STK3: variants seen among roughly 807,000 people sequenced by gnomAD.
STK3 encodes the protein serine/threonine-protein kinase 3.
STK3 carries 41 observed loss-of-function variants against 58.0 expected under a neutral mutation model. The ratio of observed to expected loss-of-function variants is 0.71; its 90% CI spans 0.55 to 0.92. The LOEUF (loss-of-function observed/expected upper bound fraction) is 0.92. Among genes scored for constraint, STK3 ranks in the 40% least tolerant of loss-of-function variants. The pLI is 0.00. For synonymous variants in STK3, 170 were observed against 191.0 expected, an observed-to-expected ratio of 0.89 and a Z score of 0.91; for missense variants, 479 against 602.7, an observed-to-expected ratio of 0.79 and a Z score of 2.15.
At chr8:98,592,490 G>C (rs962870575) in intron 7 of STK3, among the ~76,000 whole-genome samples, 9 of 151,946 alleles carry the variant, frequency 5.9e-5, no homozygotes, top group Non-Finnish European at 1.0e-4. Context: ...TAACATTTTT[G>C]TCTTTCATTT....
chr8:98,879,812 T>C (rs1045130218), downstream of STK3: 14 of 152,208 alleles, frequency 9.2e-5, no homozygotes, highest in African/African-American at 2.7e-4. Flanking sequence ...AAAGATTAAA[T>C]CAATAACATG....
intron 4 of STK3, among the ~76,000 whole-genome samples, chr8:98,732,454 T>C (rs1828280620): frequency 1.3e-5 from 2 of 152,058 alleles, no homozygotes; most frequent in African/African-American, 2.4e-5. Context: ...TGGAGGAAAG[T>C]CTCAAAGCTC....
chr8:98,395,634 C>A (rs1192045896), intron 3 of STK3, among the ~76,000 whole-genome samples: 1 of 152,172 alleles, frequency 6.6e-6, no homozygotes, highest in African/African-American at 2.4e-5. Flanking sequence ...CAATCCCTGA[C>A]AGATATAGAA....
At chr8:98,776,943 G>C (rs537716904) in intron 1 of STK3, among the ~76,000 whole-genome samples, 1 of 152,062 alleles carries the variant, frequency 6.6e-6, no homozygotes, top group South Asian at 2.1e-4. Context: ...CCAGCTACTT[G>C]CGAGGCTGAG....
chr8:98,425,667 G>A (rs1245992521), intron 3 of STK3, among the ~76,000 whole-genome samples: 2 of 152,182 alleles, frequency 1.3e-5, no homozygotes, highest in Non-Finnish European at 2.9e-5. Flanking sequence ...GGTCAGACTT[G>A]GATGCAGGAG....
chr8:98,500,889 T>G (rs561063809), intron 10 of STK3, among the ~76,000 whole-genome samples: 1 of 152,330 alleles, frequency 6.6e-6, no homozygotes, highest in Admixed American at 6.5e-5. Flanking sequence ...TGTGTCTTTA[T>G]AGTAGCATGA....
chr8:98,653,388 C>T (rs1285230747), intron 6 of STK3, among the ~76,000 whole-genome samples: 1 of 152,010 alleles, frequency 6.6e-6, no homozygotes, highest in African/African-American at 2.4e-5. Flanking sequence ...CAGGAAAGAT[C>T]CAAAATTGAC....
intron 6 of STK3, among the ~76,000 whole-genome samples, chr8:98,611,148 G>C (rs572189404): frequency 1.3e-5 from 2 of 152,130 alleles, no homozygotes; most frequent in South Asian, 4.2e-4. Flanking sequence ...CAATACACTA[G>C]TCCTAAGATA....
chr8:98,711,226 G>A (rs1273518497), intron 4 of STK3, among the ~76,000 whole-genome samples: 1 of 152,106 alleles, frequency 6.6e-6, no homozygotes, highest in Non-Finnish European at 1.5e-5. Context: ...AAATAAGAGT[G>A]CCTCTCCTCC....
At chr8:98,740,455 A>T (rs1829095871) in intron 4 of STK3, among the ~76,000 whole-genome samples, 1 of 152,222 alleles carries the variant, frequency 6.6e-6, no homozygotes, top group African/African-American at 2.4e-5. Flanking sequence ...TTATTAAAGA[A>T]AAGAATTTTT....
At chr8:98,668,774 A>G (rs949481106) in intron 6 of STK3, among the ~76,000 whole-genome samples, 2 of 152,164 alleles carry the variant, frequency 1.3e-5, no homozygotes, top group Non-Finnish European at 2.9e-5. Context: ...AAAGTGATTA[A>G]TCAAAGTCAG....
At chr8:98,615,079 G>C (rs1183108352) in intron 6 of STK3, among the ~76,000 whole-genome samples, 1 of 151,960 alleles carries the variant, frequency 6.6e-6, no homozygotes, top group African/African-American at 2.4e-5. Context: ...GCTTTGAAGA[G>C]AGCAGTGGTT....
chr8:98,654,486 C>T (rs945307051), intron 6 of STK3, among the ~76,000 whole-genome samples: 78 of 152,102 alleles, frequency 5.1e-4, no homozygotes, highest in African/African-American at 1.7e-3. Flanking sequence ...CTGGCCAGGG[C>T]AATTAGGCAG....
chr8:98,650,577 T>C (rs1820808484), intron 6 of STK3, among the ~76,000 whole-genome samples: 1 of 152,228 alleles, frequency 6.6e-6, no homozygotes, highest in African/African-American at 2.4e-5. Flanking sequence ...AGGGAGTCCC[T>C]TTCCTAGTCA....
chr8:98,891,515 C>T (rs781271440), intron 1 of STK3, among the ~76,000 whole-genome samples: 1 of 152,010 alleles, frequency 6.6e-6, no homozygotes, highest in African/African-American at 2.4e-5. Flanking sequence ...GTATAGCACT[C>T]TTGATATGTA....
intron 10 of STK3, among the ~76,000 whole-genome samples, chr8:98,472,028 G>A (rs2131229410): frequency 6.6e-6 from 1 of 152,170 alleles, no homozygotes; most frequent in African/African-American, 2.4e-5. Context: ...GCTTACCACT[G>A]GCAGACACTA....
At chr8:98,874,121 T>C (rs970093553) in intron 3 of STK3, among the ~76,000 whole-genome samples, 1 of 152,232 alleles carries the variant, frequency 6.6e-6, no homozygotes, top group African/African-American at 2.4e-5. Context: ...CAGCTGGATA[T>C]GAAATTCTGG....
intron 3 of STK3, 130 bp downstream of exon 3, chr8:98,767,113 C>T: frequency 8.7e-7 from 1 of 1,143,154 alleles, no homozygotes; most frequent in Non-Finnish European, 1.2e-6. Flanking sequence ...AACGGCAAAA[C>T]CCTGTCTCAA....
intron 3 of STK3, among the ~76,000 whole-genome samples, chr8:98,849,833 T>G (rs1461273685): frequency 6.6e-6 from 1 of 151,986 alleles, no homozygotes; most frequent in Non-Finnish European, 1.5e-5. Context: ...AGGAATAGGG[T>G]GGTCAGCCTG....
Sources: allele counts gnomAD v4.1 joint callset (sites outside exome capture counted in the v4.1 genomes callset), GRCh38; gene constraint gnomAD v4.1.1; transcripts MANE v1.5; gene names NCBI Gene and HGNC (gene_info 2026-07-23, HGNC 2026-07-21).